Variants in YTHDF2 observed in about 807,000 individuals in gnomAD.
YTHDF2 encodes the protein YTH domain-containing family protein 2.
A neutral mutation model predicts 50.4 loss-of-function variants in YTHDF2; 2 were observed. The observed-to-expected ratio is 0.04, with a 90% confidence interval of 0.02 to 0.12. YTHDF2 has a LOEUF of 0.12. Ranked by LOEUF, YTHDF2 falls within the 10% of genes least tolerant of loss-of-function variation. The pLI is 1.00. For missense variants in YTHDF2, 483 were observed against 722.6 expected, an observed-to-expected ratio of 0.67 and a Z score of 3.80; for synonymous variants, 217 against 255.6, an observed-to-expected ratio of 0.85 and a Z score of 1.44.
intron 4 of YTHDF2, among the ~76,000 whole-genome samples, chr1:28,748,903 A>T (rs1253971026): frequency 6.6e-6 from 1 of 152,126 alleles, no homozygotes; most frequent in Non-Finnish European, 1.5e-5. Context: ...TATTTTTTCT[A>T]ATTAAAATAA....
In YTHDF2 at chr1:28,743,237, G is replaced by C. The variant is rs780735303; in HGVS notation, c.967G>C (p.Gly323Arg). Residue 323 changes from glycine (G) to arginine (R), a missense_variant, in exon 4 of 5, where the codon GGG becomes CGG. Around this residue, in one of 4 missense-constraint regions of YTHDF2, gnomAD observed 385 missense variants for 475.8 expected, o/e 0.81. Transcript: ENST00000373812. This position sits in a 1 kb window ranked among gnomAD's most constrained non-coding sequence, Gnocchi z 6.9. The stretch of plus-strand genomic sequence containing the variant: ...CCCACCAGTGGCTCAGGCATCAGTA[G>C]GGCAACAGACACAGCCATTGCCTCC... Reference protein sequence around the residue: ...NSPPVAQASVGQQTQPLPPPP... With the variant: ...NSPPVAQASVRQQTQPLPPPP... The C allele has an allele frequency of 7.4e-6, 12 of 1,613,952 alleles. No homozygotes were observed. Among genetic ancestry groups the C allele is most frequent in the Middle Eastern group, 3.3e-4 (2 of 6,044 alleles).
At chr1:28,768,686 A>G (rs566976083) in intron 4 of YTHDF2, among the ~76,000 whole-genome samples, 8 of 152,352 alleles carry the variant, frequency 5.3e-5, no homozygotes, top group Middle Eastern at 3.4e-3. Flanking sequence ...TAATCTAAAC[A>G]GTATAATAGG....
intron 4 of YTHDF2, among the ~76,000 whole-genome samples, chr1:28,752,268 T>C (rs1199635013): frequency 1.3e-5 from 2 of 151,120 alleles, no homozygotes; most frequent in Non-Finnish European, 2.9e-5. Flanking sequence ...TGATAACACA[T>C]TGGTAATCTG....
chr1:28,738,811 C>T (rs1251136656), intron 3 of YTHDF2, among the ~76,000 whole-genome samples: 1 of 152,150 alleles, frequency 6.6e-6, no homozygotes, highest in African/African-American at 2.4e-5. Flanking sequence ...TGAGGGTTCA[C>T]CTCCTTAATA....
At chr1:28,742,141 C>G (rs761930298) in intron 3 of YTHDF2, among the ~76,000 whole-genome samples, 120 of 151,806 alleles carry the variant, frequency 7.9e-4, no homozygotes, top group Non-Finnish European at 1.3e-3. Context: ...CCTCCGCCTC[C>G]TGGGTTCAAG....
intron 4 of YTHDF2, among the ~76,000 whole-genome samples, chr1:28,747,736 G>T (rs1428670863): frequency 6.6e-6 from 1 of 150,784 alleles, no homozygotes; most frequent in African/African-American, 2.4e-5. Context: ...CTCTTGATAA[G>T]TGAGTATCCT....
At chr1:28,768,588 G>T (rs2124217359) in intron 4 of YTHDF2, among the ~76,000 whole-genome samples, 1 of 152,244 alleles carries the variant, frequency 6.6e-6, no homozygotes, top group East Asian at 1.9e-4. Context: ...TACTATGTAT[G>T]TATGTATTCT....
At chr1:28,760,338 A>G (rs1222709958) in intron 4 of YTHDF2, among the ~76,000 whole-genome samples, 1 of 150,616 alleles carries the variant, frequency 6.6e-6, no homozygotes, top group African/African-American at 2.4e-5. Flanking sequence ...TGTGTCGCCC[A>G]GGCTGGAGTG....
chr1:28,759,745 C>T (rs1291950906), intron 4 of YTHDF2, among the ~76,000 whole-genome samples: 1 of 152,078 alleles, frequency 6.6e-6, no homozygotes. Context: ...TACGTGAGGC[C>T]AGGAGTTGGA....
At position 28,737,230 on chromosome 1, in the gene YTHDF2, G is replaced by GGCCGAGCCGA. The variant is rs777703652; in HGVS notation, c.27+90_27+99dup. 4 of 1,475,280 alleles carry GGCCGAGCCGA rather than the reference G, an allele frequency of 2.7e-6. No homozygotes were observed. The African/African-American group carries it at 4.4e-5, about 16-fold the overall frequency. The allele number at this position is 1,475,280 out of a possible 1,614,324, so 91.4% of individuals were successfully genotyped here. A position where few individuals can be genotyped will look rare whatever the true frequency, so the allele number is the denominator to read the frequency against. ...GGCCCGGGCCCGCCGCTCCTGGGCAGGCCGAGCCGAGCCGAGGCGTCGTCT... is the reference window on the plus strand; with the variant it reads ...GGCCCGGGCCCGCCGCTCCTGGGCAGGCCGAGCCGAGCCGAGCCGAGCCGAGGCGTCGTCT... On this transcript the variant is annotated intron_variant, in intron 1 of 4. Coordinates refer to ENST00000373812, the MANE Select transcript of YTHDF2 (RefSeq NM_016258.3).
chr1:28,743,739 A>G lies in YTHDF2; in HGVS notation c.1469A>G (p.Lys490Arg). 6.2e-7 allele frequency: 1 copy of G among 1,613,714 alleles called. No homozygotes were observed. Among genetic ancestry groups the G allele is most frequent in the African/African-American group, 1.3e-5 (1 of 75,006 alleles). Residue 490 changes from lysine (K) to arginine (R), a missense_variant, in exon 4 of 5, where the codon AAA becomes AGA. Lys to Arg is a conservative substitution (Grantham distance 26). Coordinates refer to ENST00000373812, the MANE Select transcript of YTHDF2 (RefSeq NM_016258.3). The surrounding 1 kb of genome is among the most constrained non-coding windows in gnomAD (Gnocchi z 6.9). ...TGTGCAGGTGTGTGGTCCCAGGACAAATGGAAGGGTCGTTTTGATGTCAGG... is the reference window on the plus strand; with the variant it reads ...TGTGCAGGTGTGTGGTCCCAGGACAGATGGAAGGGTCGTTTTGATGTCAGG... The part of the protein sequence containing the change: ...NTCAGVWSQD[K>R]WKGRFDVRWI...
intron 3 of YTHDF2, chr1:28,739,211 A>G (rs1044493430): frequency 2.0e-5 from 3 of 152,210 alleles, no homozygotes; most frequent in African/African-American, 7.2e-5. Context: ...GTCTCTAAAA[A>G]ATAGTCACCT....
chr1:28,737,732 G>T, intron 2 of YTHDF2, 50 bp downstream of exon 2: 10 of 1,604,262 alleles, frequency 6.2e-6, no homozygotes, highest in African/African-American at 1.3e-5. Flanking sequence ...GACGCGGGGC[G>T]GTGGGGGCGG....
rs973932721 is a variant in YTHDF2 at position 28,737,079 on chromosome 1, G to A, written c.-42G>A. ...TCATCTGCCGCCGCCGCCGCGCTGA[G>A]GAGAGTTCGCCGCCGTCGCCGCCCG... On this transcript the variant is annotated 5_prime_UTR_variant, in exon 1 of 5. Transcript: ENST00000373812. The A allele has an allele frequency of 4.4e-6, 7 of 1,579,376 alleles. No homozygotes were observed. Among genetic ancestry groups the A allele is most frequent in the African/African-American group, 4.1e-5 (3 of 73,338 alleles).
At chr1:28,745,674 G>A (rs915041130) in intron 4 of YTHDF2, among the ~76,000 whole-genome samples, 14 of 147,924 alleles carry the variant, frequency 9.5e-5, no homozygotes, top group Admixed American at 2.8e-4. Flanking sequence ...GCGGTGAGCC[G>A]AGATCGTGCT....
intron 4 of YTHDF2, among the ~76,000 whole-genome samples, chr1:28,756,005 C>T (rs2088030939): frequency 6.6e-6 from 1 of 152,088 alleles, no homozygotes; most frequent in Non-Finnish European, 1.5e-5. Flanking sequence ...CTGCAGATGC[C>T]AGTGATGTCT....
At chr1:28,737,776 T>A in intron 2 of YTHDF2, 94 bp downstream of exon 2, 2 of 1,493,026 alleles carry the variant, frequency 1.3e-6, no homozygotes, top group East Asian at 4.6e-5. Context: ...GGAGGACCTT[T>A]CGGAAGCCGC....
intron 4 of YTHDF2, among the ~76,000 whole-genome samples, chr1:28,760,063 T>C (rs2088091861): frequency 6.6e-6 from 1 of 152,208 alleles, no homozygotes; most frequent in South Asian, 2.1e-4. Context: ...ATCAGTGTCT[T>C]AACCACCACA....
intron 4 of YTHDF2, among the ~76,000 whole-genome samples, chr1:28,757,924 G>A (rs776158440): frequency 6.6e-6 from 1 of 151,944 alleles, no homozygotes; most frequent in African/African-American, 2.4e-5. Flanking sequence ...TCTATAAGGC[G>A]CTTGTCATAT....
Sources: allele counts gnomAD v4.1 joint callset (sites outside exome capture counted in the v4.1 genomes callset), GRCh38; gene constraint gnomAD v4.1.1; regional missense constraint gnomAD v4.1.1; non-coding constraint Gnocchi (gnomAD v3.1); transcripts MANE v1.5; gene names NCBI Gene and HGNC (gene_info 2026-07-23, HGNC 2026-07-21).